CNTN4: variants seen among roughly 807,000 people sequenced by gnomAD.
CNTN4 encodes the protein contactin 4.
CNTN4 carries 77 observed loss-of-function variants against 122.5 expected under a neutral mutation model. The observed-to-expected ratio is 0.63, with a 90% CI of 0.52 to 0.76. The LOEUF is 0.76. Among genes scored for constraint, CNTN4 ranks in the 30% least tolerant of loss-of-function variants. The pLI is 0.00. For synonymous variants in CNTN4, 512 were observed against 447.0 expected, an observed-to-expected ratio of 1.15 and a Z score of -1.83; for missense variants, 1,256 against 1,259.1, an observed-to-expected ratio of 1.00 and a Z score of 0.04.
At chr3:2,984,301 A>T (rs1465626500) in intron 13 of CNTN4, among the ~76,000 whole-genome samples, 1 of 152,168 alleles carries the variant, frequency 6.6e-6, no homozygotes, top group Non-Finnish European at 1.5e-5. Context: ...ATCTTATCTC[A>T]TTATAGAAGA....
At chr3:2,272,721 A>G (rs554612816) in intron 2 of CNTN4, among the ~76,000 whole-genome samples, 1 of 152,062 alleles carries the variant, frequency 6.6e-6, no homozygotes, top group Non-Finnish European at 1.5e-5. Context: ...TCACTGTATG[A>G]TTATCGTGAT....
At chr3:2,591,719 G>A (rs1313093658) in intron 4 of CNTN4, among the ~76,000 whole-genome samples, 2 of 151,968 alleles carry the variant, frequency 1.3e-5, no homozygotes, top group Admixed American at 1.3e-4. Flanking sequence ...AAAAATATGA[G>A]GTGAATTTTT....
chr3:2,368,385 G>A (rs1387622124), intron 3 of CNTN4, among the ~76,000 whole-genome samples: 3 of 151,968 alleles, frequency 2.0e-5, no homozygotes, highest in Non-Finnish European at 4.4e-5. Context: ...CTGTGTTTTA[G>A]TTAGTCTGAG....
chr3:2,480,997 G>T (rs566837520), intron 3 of CNTN4, among the ~76,000 whole-genome samples: 21 of 129,864 alleles, frequency 1.6e-4, no homozygotes, highest in African/African-American at 4.9e-4. Flanking sequence ...AGAAAAGATA[G>T]TTTTTTTAAT....
chr3:2,862,635 T>C (rs1048070106), intron 7 of CNTN4, among the ~76,000 whole-genome samples: 58 of 152,310 alleles, frequency 3.8e-4, no homozygotes, highest in African/African-American at 1.1e-3. Flanking sequence ...GAGCAATTAG[T>C]GTGTGAAAAC....
chr3:2,104,711 A>C (rs1237374931), intron 2 of CNTN4, among the ~76,000 whole-genome samples: 1 of 152,136 alleles, frequency 6.6e-6, no homozygotes. Context: ...GGAAGCTGAG[A>C]AGTGGTGTCT....
intron 2 of CNTN4, among the ~76,000 whole-genome samples, chr3:2,287,629 A>G (rs1165516703): frequency 0.022 from 989 of 44,930 alleles, 26 homozygotes; most frequent in African/African-American, 0.068. Flanking sequence ...GGAGAAGGAG[A>G]AGGAGAAGAA....
At chr3:3,022,838 A>G (rs1428996927) in intron 14 of CNTN4, among the ~76,000 whole-genome samples, 2 of 152,192 alleles carry the variant, frequency 1.3e-5, no homozygotes, top group African/African-American at 2.4e-5. Context: ...ACCAACCACA[A>G]GTAGGAAAGT....
At chr3:2,689,184 A>T (rs2085593502) in intron 4 of CNTN4, among the ~76,000 whole-genome samples, 1 of 152,162 alleles carries the variant, frequency 6.6e-6, no homozygotes, top group Non-Finnish European at 1.5e-5. Context: ...TGCTATTCTT[A>T]TGGGAGCCAA....
chr3:2,623,787 G>A (rs1438667564), intron 4 of CNTN4, among the ~76,000 whole-genome samples: 1 of 152,164 alleles, frequency 6.6e-6, no homozygotes, highest in Non-Finnish European at 1.5e-5. Flanking sequence ...ACAGAGCAGA[G>A]TGTCCCCTGA....
chr3:3,007,627 T>C (rs1696786981), intron 14 of CNTN4, among the ~76,000 whole-genome samples: 1 of 152,240 alleles, frequency 6.6e-6, no homozygotes, highest in East Asian at 1.9e-4. Context: ...ATAAAATGTA[T>C]GCTTGTTTTC....
At chr3:2,629,808 A>G (rs1455881338) in intron 4 of CNTN4, among the ~76,000 whole-genome samples, 1 of 152,182 alleles carries the variant, frequency 6.6e-6, no homozygotes, top group African/African-American at 2.4e-5. Context: ...GTAGATTACT[A>G]GAGAGTTCAT....
At chr3:2,939,480 A>G (rs2094594359) in intron 13 of CNTN4, among the ~76,000 whole-genome samples, 1 of 152,208 alleles carries the variant, frequency 6.6e-6, no homozygotes, top group Admixed American at 6.5e-5. Context: ...ATGAAACAAC[A>G]TGATTATATC....
At chr3:2,551,129 G>A (rs1216654951) in intron 3 of CNTN4, among the ~76,000 whole-genome samples, 1 of 151,982 alleles carries the variant, frequency 6.6e-6, no homozygotes, top group African/African-American at 2.4e-5. Context: ...CGTAAAGCAA[G>A]CAGAATCTGT....
chr3:2,578,605 A>G (rs2079799862), intron 4 of CNTN4, among the ~76,000 whole-genome samples: 1 of 152,244 alleles, frequency 6.6e-6, no homozygotes, highest in African/African-American at 2.4e-5. Flanking sequence ...TGCACAAGTA[A>G]CAAATATTCA....
intron 2 of CNTN4, among the ~76,000 whole-genome samples, chr3:2,210,372 G>A (rs2149436059): frequency 6.6e-6 from 1 of 152,252 alleles, no homozygotes; most frequent in South Asian, 2.1e-4. Context: ...GGAGGTGACA[G>A]CACGCTGCAC....
intron 17 of CNTN4, among the ~76,000 whole-genome samples, chr3:3,035,938 A>C (rs1489639618): frequency 6.6e-6 from 1 of 152,144 alleles, no homozygotes; most frequent in Non-Finnish European, 1.5e-5. Context: ...AAAAAAAAAA[A>C]AAACATTGTT....
rs190594146 is a variant in CNTN4, at chr3:2,418,815, A to G, written c.-89+79582A>G. Among the ~76,000 whole-genome samples, 148 of 152,330 alleles carry G rather than the reference A, an allele frequency of 9.7e-4. 1 individual carries two copies. Among genetic ancestry groups the G allele is most frequent in the African/African-American group, 3.5e-3 (144 of 41,586 alleles). ...ACATTTTAAATCCATGTTGGCTTGC[A>G]TTGTGAAAGAAGGGAATAATTTACA... On this transcript the variant is annotated intron_variant, in intron 3 of 24. Coordinates refer to ENST00000418658, the MANE Select transcript of CNTN4 (RefSeq NM_175607.3).
intron 2 of CNTN4, among the ~76,000 whole-genome samples, chr3:2,136,180 C>T (rs1433524083): frequency 6.6e-6 from 1 of 152,138 alleles, no homozygotes; most frequent in Non-Finnish European, 1.5e-5. Context: ...TGGTCATAAT[C>T]TTGTCATACT....
Sources: allele counts gnomAD v4.1 joint callset (sites outside exome capture counted in the v4.1 genomes callset), GRCh38; gene constraint gnomAD v4.1.1; transcripts MANE v1.5; gene names NCBI Gene and HGNC (gene_info 2026-07-23, HGNC 2026-07-21).